Variants in CLSPN observed in about 807,000 individuals in gnomAD.
The protein encoded by CLSPN is claspin homolog.
Under a neutral mutation model 156.3 loss-of-function variants are expected in CLSPN, and 85 were observed. The ratio of observed to expected loss-of-function variants is 0.54; its 90% CI spans 0.46 to 0.65. The LOEUF (loss-of-function observed/expected upper bound fraction) is 0.65. Ranked by LOEUF, CLSPN falls within the 30% of genes least tolerant of loss-of-function variation. CLSPN has a pLI of 0.00. For missense variants in CLSPN, 1,407 were observed against 1,554.9 expected (o/e 0.90, Z 1.60); for synonymous variants, 534 against 542.4 (o/e 0.98, Z 0.22).
In CLSPN at chr1:35,738,083, T is replaced by G. The variant is rs1317502936; in HGVS notation, c.3573A>C (p.Lys1191Asn). 1 of 1,391,246 alleles carries G rather than the reference T, an allele frequency of 7.2e-7. No homozygotes were observed. The highest frequency in any genetic ancestry group is 9.5e-7 in the Non-Finnish European group (1 of 1,051,556). The allele number at this position is 1,391,246 out of a possible 1,614,324, so 86.2% of individuals were successfully genotyped here. ...QWLRDMAQQG[K>N]ITAEEEEEIG... ...TTTCTTCTTCTTCTTCAGCTGTAAT[T>G]TTCCCCTGCTGTGCCTGAAAAAAAA... is the stretch of plus-strand genomic sequence containing the variant. The change falls in exon 22 of 25, where the codon AAA becomes AAC. Residue 1191 changes from lysine (K) to asparagine (N), a missense_variant. Lys to Asn is a moderately conservative substitution (Grantham distance 94). This residue lies in a region of CLSPN where 241 missense variants were observed against 240.5 expected (regional missense o/e 1.00). Transcript: ENST00000318121.
intron 6 of CLSPN, among the ~76,000 whole-genome samples, chr1:35,761,647 G>C (rs1557522208): frequency 1.3e-5 from 2 of 152,048 alleles, no homozygotes; most frequent in East Asian, 3.9e-4. Context: ...GTGATACTCT[G>C]GACAAAGGGA....
At chr1:35,765,994 C>CTCCTT (rs60908491) in intron 1 of CLSPN, among the ~76,000 whole-genome samples, 1 of 106,484 alleles carries the variant, frequency 9.4e-6, no homozygotes. Flanking sequence ...CTCTCTCTCT[C>CTCCTT]TTTTTTTTTT....
intron 8 of CLSPN, among the ~76,000 whole-genome samples, chr1:35,758,625 G>A (rs6685439): frequency 0.32 from 47,931 of 151,458 alleles, 11,441 homozygotes; most frequent in East Asian, 0.76. Context: ...AGCCTAGGTG[G>A]CAAGAGCAAG....
chr1:35,766,776 C>G (rs1177792353), intron 1 of CLSPN, among the ~76,000 whole-genome samples: 1 of 149,598 alleles, frequency 6.7e-6, no homozygotes, highest in Non-Finnish European at 1.5e-5. Context: ...TTTTTTGAGA[C>G]GGAGTTTCGC....
Position 35,732,441 on chromosome 1 carries a change from T to A in CLSPN, c.*4055A>T, listed in dbSNP as rs180822351. The A allele has an allele frequency of 1.0e-6, 1 of 985,424 alleles. No individual in the cohort carries two copies. The highest frequency in any genetic ancestry group is 6.1e-5 in the Admixed American group (1 of 16,282). The allele number at this position is 985,424 out of a possible 1,614,324, so 61.0% of individuals were successfully genotyped here. On this transcript the variant is annotated 3_prime_UTR_variant, in exon 25 of 25. Coordinates refer to ENST00000318121, the MANE Select transcript of CLSPN (RefSeq NM_022111.4). ...GAGAAGCAGTTGAGAAAATGAGGGA[T>A]GCCACAGAGATCTGAGTACCTTGTC...
At chr1:35,755,772 G>A (rs1234244599) in intron 8 of CLSPN, among the ~76,000 whole-genome samples, 9 of 152,112 alleles carry the variant, frequency 5.9e-5, no homozygotes, top group South Asian at 4.2e-4. Context: ...GCAGTGGTGC[G>A]ATCACAGCTC....
intron 12 of CLSPN, chr1:35,748,895 G>A: frequency 1.1e-5 from 4 of 376,970 alleles, no homozygotes; most frequent in South Asian, 6.4e-5. Context: ...GCGTGAATTC[G>A]GCTCACTGCA....
Position 35,739,452 on chromosome 1 carries a change from T to A in CLSPN, c.3221A>T (p.Glu1074Val), listed in dbSNP as rs746233164. The part of the protein sequence containing the change: ...DVGSEDEYDG[E>V]EIDEYEEDVI... ...GTCCTCTTCATATTCATCAATTTCT[T>A]CCCCATCATACTCATCTTCGCTTCC... The change falls in exon 19 of 25, where the codon GAA becomes GTA. Residue 1074 changes from glutamate (E) to valine (V), a missense_variant. Transcript: ENST00000318121. The A allele has an allele frequency of 1.2e-6, 2 of 1,614,024 alleles. No homozygotes were observed. The highest frequency in any genetic ancestry group is 1.7e-6 in the Non-Finnish European group (2 of 1,179,948).
At chr1:35,730,604 C>CAA (rs1641292483), downstream of CLSPN, among the ~76,000 whole-genome samples, 1 of 135,590 alleles carries the variant, frequency 7.4e-6, no homozygotes. Context: ...ACAAGAAACT[C>CAA]AAACAGAGGT....
chr1:35,753,847 C>G lies in CLSPN; in HGVS notation c.1669G>C (p.Val557Leu), dbSNP rs188688735. 6.2e-7 allele frequency: 1 copy of G among 1,614,186 alleles called. No individual in the cohort carries two copies. Among genetic ancestry groups the G allele is most frequent in the East Asian group, 2.2e-5 (1 of 44,886 alleles). The change falls in exon 9 of 25, where the codon GTG (valine) becomes CTG (leucine). Residue 557 changes from valine to leucine, a missense_variant. Around this residue, in one of 3 missense-constraint regions of CLSPN, gnomAD observed 1,096 missense variants for 1,193.0 expected, o/e 0.92. Coordinates refer to ENST00000318121, the MANE Select transcript of CLSPN (RefSeq NM_022111.4). ...AGQTVNVNVI[V>L]KDMGTDGKEE... ...TTTCCATCAGTGCCCATGTCTTTCACTATGACGTTCACATTCACTGTCTGA... is the reference window on the plus strand; with the variant it reads ...TTTCCATCAGTGCCCATGTCTTTCAGTATGACGTTCACATTCACTGTCTGA...
intron 8 of CLSPN, among the ~76,000 whole-genome samples, chr1:35,758,596 G>A (rs1463170273): frequency 6.6e-6 from 1 of 151,814 alleles, no homozygotes; most frequent in East Asian, 1.9e-4. Flanking sequence ...AGTGAGCCGA[G>A]ATCGCAGCAT....
Position 35,734,687 on chromosome 1 carries a change from AAAAG to A in CLSPN, c.*1805_*1808del, listed in dbSNP as rs1198441248. ...AGCCAGCCTATGTCTCAAAAAAAAA[AAAAG>A]AAAAGAAAAGAAAAGAAAAAGAAAA... On this transcript the variant is annotated 3_prime_UTR_variant, in exon 25 of 25. Transcript: ENST00000318121. 1,643 of 913,956 alleles carry A rather than the reference AAAAG, an allele frequency of 1.8e-3. 14 individuals carry two copies. In the African/African-American group the frequency reaches 0.026, roughly 14 times the overall value. The allele number at this position is 913,956 out of a possible 1,614,324, so 56.6% of individuals were successfully genotyped here.
rs987750299 is a variant in CLSPN at position 35,760,739 on chromosome 1, A to G, written c.1182T>C (p.Asp394=). 2.5e-6 allele frequency: 4 copies of G among 1,613,930 alleles called. No homozygotes were observed. The highest frequency in any genetic ancestry group is 3.4e-6 in the Non-Finnish European group (4 of 1,180,052). ...TTACCAAATCCTTCCTGCAAGACTC[A>G]TCTGATCCAGTAATGATCTGGGTTT... ...SKETQIITGS[D]ESCRKDLVKN... Residue 394 remains aspartate (D), a synonymous_variant, in exon 8 of 25, where the codon GAT becomes GAC. Coordinates refer to ENST00000318121, the MANE Select transcript of CLSPN (RefSeq NM_022111.4).
Position 35,736,263 on chromosome 1 carries a change from T to G in CLSPN, c.*233A>C. ...AAACCTCACCCAAGTATTCCATGAG[T>G]TGTTGATGTTGTAAATACTGCAGAA... On this transcript the variant is annotated 3_prime_UTR_variant, in exon 25 of 25. Transcript: ENST00000318121. 8.8e-7 allele frequency: 1 copy of G among 1,139,896 alleles called. No individual in the cohort carries two copies. Among genetic ancestry groups the G allele is most frequent in the Non-Finnish European group, 1.1e-6 (1 of 931,412 alleles). 70.6% of individuals were successfully genotyped at this position (1,139,896 alleles called of 1,614,324 possible).
At chr1:35,738,671 T>C in intron 20 of CLSPN, 89 bp from the exon 21 acceptor site, 2 of 1,321,012 alleles carry the variant, frequency 1.5e-6, no homozygotes, top group Non-Finnish European at 1.0e-6. Context: ...TATCATTTAC[T>C]ATATAATGAT....
chr1:35,769,255 C>T (rs530020738), intron 1 of CLSPN, among the ~76,000 whole-genome samples: 34 of 152,314 alleles, frequency 2.2e-4, no homozygotes, highest in Non-Finnish European at 5.9e-5. Flanking sequence ...AAGGACACAG[C>T]TCTGGAAACA....
intron 2 of CLSPN, 79 bp downstream of exon 2, chr1:35,765,139 G>A (rs956348061): frequency 1.4e-5 from 12 of 836,996 alleles, no homozygotes; most frequent in Non-Finnish European, 2.4e-5. Context: ...TAAATCAAGA[G>A]AATAATGAAA....
intron 24 of CLSPN, among the ~76,000 whole-genome samples, chr1:35,726,152 C>CAAAAAAAAAA (rs3041363): frequency 0.083 from 4,015 of 48,170 alleles, 1,530 homozygotes; most frequent in South Asian, 0.12. Context: ...CAGATGCAGA[C>CAAAAAAAAAA]AAAAAAAAAA....
chr1:35,728,896 T>A (rs1641250911), downstream of CLSPN, among the ~76,000 whole-genome samples: 1 of 133,354 alleles, frequency 7.5e-6, no homozygotes, highest in Non-Finnish European at 1.6e-5. Flanking sequence ...TACAGAGACA[T>A]TCACTCAACC....
Sources: allele counts gnomAD v4.1 joint callset (sites outside exome capture counted in the v4.1 genomes callset), GRCh38; gene constraint gnomAD v4.1.1; regional missense constraint gnomAD v4.1.1; transcripts MANE v1.5; gene names NCBI Gene and HGNC (gene_info 2026-07-23, HGNC 2026-07-21).